The following THSD4 variants were observed in gnomAD, a reference collection of about 807,000 sequenced individuals.
THSD4 encodes thrombospondin type 1 domain containing 4.
In THSD4, 69 loss-of-function variants were observed where a neutral mutation model predicts 119.0. The ratio of observed to expected loss-of-function variants is 0.58; its 90% CI spans 0.48 to 0.71. The LOEUF (loss-of-function observed/expected upper bound fraction) is 0.71. Among genes scored for constraint, THSD4 ranks in the 30% least tolerant of loss-of-function variants. THSD4 has a pLI of 0.00. For missense variants in THSD4, 1,393 were observed against 1,391.1 expected (o/e 1.00, Z -0.02); for synonymous variants, 524 against 540.4 (o/e 0.97, Z 0.42).
chr15:71,360,248 G>A (rs2045875359), intron 6 of THSD4, among the ~76,000 whole-genome samples: 1 of 152,064 alleles, frequency 6.6e-6, no homozygotes, highest in African/African-American at 2.4e-5. Context: ...TTTCCTACAT[G>A]GCAGCCAACT....
intron 7 of THSD4, among the ~76,000 whole-genome samples, chr15:71,476,859 A>G (rs1362045925): frequency 6.6e-6 from 1 of 152,132 alleles, no homozygotes; most frequent in African/African-American, 2.4e-5. Flanking sequence ...TTACTTTTGG[A>G]AAAGTGAGCC....
At chr15:71,342,480 C>T (rs992064171) in intron 6 of THSD4, 3 of 152,620 alleles carry the variant, frequency 2.0e-5, no homozygotes, top group Non-Finnish European at 2.9e-5. Context: ...TTCTCTGACC[C>T]CCACCTTGAG....
At chr15:71,206,531 G>C (rs942791498) in intron 3 of THSD4, among the ~76,000 whole-genome samples, 5 of 152,154 alleles carry the variant, frequency 3.3e-5, no homozygotes, top group Non-Finnish European at 7.4e-5. Context: ...ACTTTTTCCA[G>C]TCTCTCTTAG....
intron 3 of THSD4, among the ~76,000 whole-genome samples, chr15:71,199,871 G>GTGTGTGTGC (rs2043780262): frequency 2.0e-5 from 1 of 49,860 alleles, no homozygotes; most frequent in Non-Finnish European, 7.2e-5. Context: ...TGGGGTGTGT[G>GTGTGTGTGC]TGTGTGTGGT....
intron 8 of THSD4, among the ~76,000 whole-genome samples, chr15:71,697,223 A>C (rs1457981048): frequency 6.6e-6 from 1 of 152,192 alleles, no homozygotes; most frequent in East Asian, 1.9e-4. Flanking sequence ...CTTAGAAAGA[A>C]ACAAATCAGA....
chr15:71,428,621 A>G (rs2046904493), intron 7 of THSD4, among the ~76,000 whole-genome samples: 1 of 152,190 alleles, frequency 6.6e-6, no homozygotes, highest in Non-Finnish European at 1.5e-5. Context: ...CTAATGTAAT[A>G]GAAAAGACTT....
intron 7 of THSD4, among the ~76,000 whole-genome samples, chr15:71,412,086 A>C (rs568084100): frequency 6.6e-6 from 1 of 152,176 alleles, no homozygotes; most frequent in Non-Finnish European, 1.5e-5. Flanking sequence ...TTCACAAGGG[A>C]CACAGCAATC....
chr15:71,553,074 A>G (rs549570716), intron 7 of THSD4, among the ~76,000 whole-genome samples: 12 of 152,282 alleles, frequency 7.9e-5, no homozygotes, highest in Non-Finnish European at 1.5e-4. Context: ...GTTGTTAACA[A>G]TTTAGCATCT....
chr15:71,764,517 T>C (rs565296954), intron 15 of THSD4, among the ~76,000 whole-genome samples: 2 of 152,366 alleles, frequency 1.3e-5, no homozygotes, highest in African/African-American at 4.8e-5. Flanking sequence ...GGGTTGACCA[T>C]AGGGTACATT....
In THSD4 at chr15:71,707,788, T is replaced by A. The variant is rs75107283; in HGVS notation, c.1358-20761T>A. Among the ~76,000 whole-genome samples the A allele has an allele frequency of 7.7e-3, 1,168 of 152,318 alleles. 13 individuals are homozygous for A. Among genetic ancestry groups the A allele is most frequent in the African/African-American group, 0.027 (1,106 of 41,560 alleles). ...GGCTTTAAGTAATGAATACTGTAATTAACTTCTAACCAAGCAAGCTAACAT... is the reference window on the plus strand; with the variant it reads ...GGCTTTAAGTAATGAATACTGTAATAAACTTCTAACCAAGCAAGCTAACAT... On this transcript the variant is annotated intron_variant, in intron 8 of 17. Transcript: ENST00000261862.
At chr15:71,320,847 CT>C (rs1223725551) in intron 6 of THSD4, among the ~76,000 whole-genome samples, 1 of 151,988 alleles carries the variant, frequency 6.6e-6, no homozygotes, top group African/African-American at 2.4e-5. Flanking sequence ...CTAGTTATGT[CT>C]TTAACAGTTC....
intron 7 of THSD4, among the ~76,000 whole-genome samples, chr15:71,455,472 T>C (rs552735023): frequency 8.6e-4 from 131 of 152,146 alleles, no homozygotes; most frequent in Non-Finnish European, 1.4e-3. Context: ...TGCTGCTTCA[T>C]GGATAAGACA....
intron 7 of THSD4, among the ~76,000 whole-genome samples, chr15:71,598,609 GT>G (rs1238375058): frequency 5.3e-5 from 8 of 151,976 alleles, no homozygotes; most frequent in African/African-American, 1.9e-4. Context: ...TCTCTTAGGT[GT>G]TTTTTGTTTG....
At chr15:71,172,900 A>G (rs1263006042) in intron 3 of THSD4, among the ~76,000 whole-genome samples, 1 of 151,542 alleles carries the variant, frequency 6.6e-6, no homozygotes, top group South Asian at 2.1e-4. Flanking sequence ...AATTACCCCA[A>G]CATAATAAAG....
At chr15:71,658,124 C>T (rs2051226834) in intron 7 of THSD4, among the ~76,000 whole-genome samples, 1 of 152,196 alleles carries the variant, frequency 6.6e-6, no homozygotes, top group African/African-American at 2.4e-5. Flanking sequence ...ACACTGCAGT[C>T]ATTGTTACCA....
intron 1 of THSD4, among the ~76,000 whole-genome samples, chr15:71,109,731 G>GA (rs10717858): frequency 9.3e-4 from 123 of 132,638 alleles, no homozygotes; most frequent in Middle Eastern, 3.9e-3. Context: ...CACTAAAAGA[G>GA]AAAAAAAAAA....
chr15:71,637,875 G>A (rs1194557619), intron 7 of THSD4, among the ~76,000 whole-genome samples: 2 of 151,938 alleles, frequency 1.3e-5, no homozygotes, highest in South Asian at 2.1e-4. Context: ...ACAGGCACCC[G>A]CCACCACACC....
At chr15:71,289,377 A>G (rs2044760970) in intron 6 of THSD4, among the ~76,000 whole-genome samples, 1 of 152,180 alleles carries the variant, frequency 6.6e-6, no homozygotes, top group Non-Finnish European at 1.5e-5. Context: ...TCCCAGGCTC[A>G]GTTGCACTGG....
At chr15:71,735,472 T>TCTCTCTC (rs1356932351) in intron 10 of THSD4, among the ~76,000 whole-genome samples, 4 of 144,784 alleles carry the variant, frequency 2.8e-5, no homozygotes, top group Admixed American at 6.8e-5. Context: ...CTCTCTCTCT[T>TCTCTCTC]TCTCACTAGC....
Sources: allele counts gnomAD v4.1 joint callset (sites outside exome capture counted in the v4.1 genomes callset), GRCh38; gene constraint gnomAD v4.1.1; transcripts MANE v1.5; gene names NCBI Gene and HGNC (gene_info 2026-07-23, HGNC 2026-07-21).